IRGM: variants seen among roughly 807,000 people sequenced by gnomAD.
IRGM encodes the protein immunity related GTPase M.
For synonymous variants in IRGM, 98 were observed against 80.6 expected (o/e 1.22, Z -1.16); for missense variants, 288 against 219.9 (o/e 1.31, Z -1.96).
Position 150,847,902 on chromosome 5 carries a change from A to G in IRGM, c.-222A>G, listed in dbSNP as rs1444779347. Reference sequence around the variant, plus strand: ...ACTGCAATATCTGCGTCCAGGGTTCAAGCGATTCCCCTGCCTCAGCCTCCT... The same window carrying G: ...ACTGCAATATCTGCGTCCAGGGTTCGAGCGATTCCCCTGCCTCAGCCTCCT... On this transcript the variant is annotated 5_prime_UTR_variant, in exon 2 of 2. Coordinates refer to ENST00000522154, the MANE Select transcript of IRGM (RefSeq NM_001145805.2). 2 of 521,724 alleles carry G rather than the reference A, an allele frequency of 3.8e-6. No individual in the cohort carries two copies. Among genetic ancestry groups the G allele is most frequent in the Non-Finnish European group, 6.9e-6 (2 of 290,780 alleles). The allele number at this position is 521,724 out of a possible 1,614,324, so 32.3% of individuals were successfully genotyped here. A position where few individuals can be genotyped will look rare whatever the true frequency, so the allele number is the denominator to read the frequency against.
At chr5:150,887,327 T>C (rs1308870409) in intron 3 of IRGM, among the ~76,000 whole-genome samples, 2 of 151,906 alleles carry the variant, frequency 1.3e-5, no homozygotes, top group African/African-American at 2.4e-5. Flanking sequence ...ATAGACCAAG[T>C]AGAGGAAAAA....
At position 150,896,019 on chromosome 5, in the gene IRGM, T is replaced by G. The variant is rs924839781; in HGVS notation, c.*141-4570T>G. On this transcript the variant is annotated intron_variant and NMD_transcript_variant, in intron 3 of 3. Transcript: ENST00000520549. ...CCCACATTCGGTACACTCATACGGC[T>G]TCTCTCCAGTATGAGCTCTGTGGTG... The G allele has an allele frequency of 1.2e-6, 2 of 1,613,392 alleles. No homozygotes were observed. Among genetic ancestry groups the G allele is most frequent in the African/African-American group, 2.7e-5 (2 of 74,872 alleles).
intron 1 of IRGM, among the ~76,000 whole-genome samples, chr5:150,855,464 G>A (rs936030328): frequency 2.0e-5 from 3 of 152,150 alleles, no homozygotes; most frequent in African/African-American, 7.2e-5. Context: ...GGCCACCAGA[G>A]AAGTGACTGA....
At chr5:150,869,405 A>T (rs185678924) in intron 1 of IRGM, among the ~76,000 whole-genome samples, 1 of 151,944 alleles carries the variant, frequency 6.6e-6, no homozygotes, top group African/African-American at 2.4e-5. Context: ...GGATTTTTGT[A>T]TCTATGTTCA....
chr5:150,853,735 T>C (rs1430486977), intron 1 of IRGM, among the ~76,000 whole-genome samples: 1 of 152,120 alleles, frequency 6.6e-6, no homozygotes, highest in African/African-American at 2.4e-5. Context: ...CCTGCTCTCT[T>C]TCAGTTCCTG....
At chr5:150,880,442 A>G (rs1754428203) in intron 3 of IRGM, among the ~76,000 whole-genome samples, 1 of 152,204 alleles carries the variant, frequency 6.6e-6, no homozygotes, top group Non-Finnish European at 1.5e-5. Flanking sequence ...GAAACATCCT[A>G]AAGATATATA....
chr5:150,882,758 A>G (rs1350044813), intron 3 of IRGM, among the ~76,000 whole-genome samples: 1 of 152,200 alleles, frequency 6.6e-6, no homozygotes, highest in East Asian at 1.9e-4. Context: ...ATAGATTGCA[A>G]TACAAAAATA....
intron 3 of IRGM, among the ~76,000 whole-genome samples, chr5:150,894,203 G>T (rs972959159): frequency 3.3e-5 from 5 of 152,020 alleles, no homozygotes; most frequent in Non-Finnish European, 7.4e-5. Context: ...TTCCAGCAAG[G>T]GTGCTCATCT....
chr5:150,893,905 T>G (rs1247522427), intron 3 of IRGM, among the ~76,000 whole-genome samples: 1 of 152,032 alleles, frequency 6.6e-6, no homozygotes, highest in Admixed American at 6.6e-5. Context: ...ACCCCAACAA[T>G]ATATAAATCA....
intron 3 of IRGM, among the ~76,000 whole-genome samples, chr5:150,880,063 T>C (rs1754422036): frequency 6.6e-6 from 1 of 152,222 alleles, no homozygotes; most frequent in Non-Finnish European, 1.5e-5. Context: ...TGGAGTCATC[T>C]GAACCATTAA....
intron 1 of IRGM, among the ~76,000 whole-genome samples, chr5:150,858,303 G>A (rs1457222505): frequency 4.6e-5 from 7 of 152,192 alleles, no homozygotes; most frequent in African/African-American, 1.7e-4. Flanking sequence ...TTTGGTACCA[G>A]TACCATGCTG....
downstream of IRGM, among the ~76,000 whole-genome samples, chr5:150,851,527 A>G (rs1009130256): frequency 6.6e-6 from 1 of 152,226 alleles, no homozygotes; most frequent in African/African-American, 2.4e-5. Context: ...ATTTTTGTAT[A>G]TGATTGAATT....
chr5:150,860,507 A>T (rs1304425657), intron 1 of IRGM, among the ~76,000 whole-genome samples: 2 of 152,214 alleles, frequency 1.3e-5, no homozygotes, highest in Non-Finnish European at 2.9e-5. Context: ...TGCAATGCCC[A>T]TGTGTACGCT....
chr5:150,856,889 TTAAA>T (rs1421457228), intron 1 of IRGM, among the ~76,000 whole-genome samples: 4 of 138,246 alleles, frequency 2.9e-5, no homozygotes, highest in Non-Finnish European at 3.0e-5. Context: ...ATATTATTAA[TTAAA>T]TATTATTAAA....
downstream of IRGM, among the ~76,000 whole-genome samples, chr5:150,852,381 G>C (rs1342310476): frequency 6.6e-6 from 1 of 152,038 alleles, no homozygotes; most frequent in Admixed American, 6.6e-5. Flanking sequence ...CATTTGTTCT[G>C]ATTAAACTAT....
intron 1 of IRGM, among the ~76,000 whole-genome samples, chr5:150,869,594 G>A (rs1754253416): frequency 6.6e-6 from 1 of 152,132 alleles, no homozygotes; most frequent in African/African-American, 2.4e-5. Flanking sequence ...ATTTAACTGT[G>A]AATCCATCTG....
At chr5:150,884,400 C>A (rs1018003408) in intron 3 of IRGM, among the ~76,000 whole-genome samples, 5 of 151,900 alleles carry the variant, frequency 3.3e-5, no homozygotes, top group Admixed American at 1.3e-4. Context: ...TATGTCTTCA[C>A]AGTAGAATGA....
intron 1 of IRGM, among the ~76,000 whole-genome samples, chr5:150,863,534 A>G (rs1425095293): frequency 6.6e-6 from 1 of 152,224 alleles, no homozygotes; most frequent in African/African-American, 2.4e-5. Flanking sequence ...CTCCTGATAG[A>G]TGTAAATATA....
intron 3 of IRGM, chr5:150,897,046 G>A: frequency 8.2e-7 from 1 of 1,213,432 alleles, no homozygotes; most frequent in Non-Finnish European, 1.1e-6. Context: ...TAGAACAAAT[G>A]GATGATCCAA....
Sources: allele counts gnomAD v4.1 joint callset (sites outside exome capture counted in the v4.1 genomes callset), GRCh38; gene constraint gnomAD v4.1.1; transcripts MANE v1.5; gene names NCBI Gene and HGNC (gene_info 2026-07-23, HGNC 2026-07-21).